The following ZNF804B variants were observed in gnomAD, a reference collection of about 807,000 sequenced individuals.
ZNF804B encodes zinc finger protein 804B.
In ZNF804B, 80 loss-of-function variants were observed where a neutral mutation model predicts 101.4. The observed-to-expected ratio is 0.79, with a 90% confidence interval of 0.66 to 0.95. ZNF804B has a LOEUF of 0.95. Ranked by LOEUF, ZNF804B falls within the 40% of genes least tolerant of loss-of-function variation. The probability of loss-of-function intolerance (pLI) is 0.00; values close to 1 mark genes in which losing one functional copy is unlikely to be tolerated. For synonymous variants in ZNF804B, 622 were observed against 558.8 expected, an observed-to-expected ratio of 1.11 and a Z score of -1.59; for missense variants, 1,673 against 1,561.9, an observed-to-expected ratio of 1.07 and a Z score of -1.20.
intron 1 of ZNF804B, among the ~76,000 whole-genome samples, chr7:89,098,526 C>T (rs1790003033): frequency 6.6e-6 from 1 of 152,094 alleles, no homozygotes; most frequent in African/African-American, 2.4e-5. Flanking sequence ...CCCACTTCAG[C>T]CTCCCAAAGT....
intron 1 of ZNF804B, among the ~76,000 whole-genome samples, chr7:89,184,009 C>A (rs777416016): frequency 6.6e-6 from 1 of 152,100 alleles, no homozygotes; most frequent in Non-Finnish European, 1.5e-5. Context: ...AGCTTCTTGG[C>A]TCTCTAACAT....
At chr7:89,073,518 G>T (rs1162370347) in intron 1 of ZNF804B, among the ~76,000 whole-genome samples, 1 of 151,954 alleles carries the variant, frequency 6.6e-6, no homozygotes, top group African/African-American at 2.4e-5. Flanking sequence ...TATTTTGCTA[G>T]ATTTCCTGTA....
At chr7:89,167,110 A>G (rs1231192031) in intron 1 of ZNF804B, among the ~76,000 whole-genome samples, 1 of 151,778 alleles carries the variant, frequency 6.6e-6, no homozygotes, top group Non-Finnish European at 1.5e-5. Flanking sequence ...TTCTTAGACT[A>G]TGTGGTTTGT....
chr7:88,904,849 C>T (rs901895115), intron 1 of ZNF804B, among the ~76,000 whole-genome samples: 10 of 151,968 alleles, frequency 6.6e-5, no homozygotes, highest in East Asian at 1.9e-4. Context: ...GAGTCTTTTG[C>T]GAGTTTTTAG....
intron 1 of ZNF804B, among the ~76,000 whole-genome samples, chr7:88,779,754 C>G (rs1274683058): frequency 6.6e-6 from 1 of 152,166 alleles, no homozygotes; most frequent in Admixed American, 6.5e-5. Context: ...CTATTATTCC[C>G]TCTCTGTGCC....
chr7:89,221,176 A>G (rs76471000), intron 2 of ZNF804B, among the ~76,000 whole-genome samples: 1,789 of 152,038 alleles, frequency 0.012, 30 homozygotes, highest in African/African-American at 0.04. Flanking sequence ...ATCAATGATC[A>G]TTTGCTCAAA....
At chr7:88,896,825 A>G (rs1295899244) in intron 1 of ZNF804B, among the ~76,000 whole-genome samples, 1 of 152,236 alleles carries the variant, frequency 6.6e-6, no homozygotes, top group Non-Finnish European at 1.5e-5. Flanking sequence ...GTTGTCTTTC[A>G]GAAGTGAGAA....
chr7:88,924,304 T>TTTGCAA (rs1251406202), intron 1 of ZNF804B, among the ~76,000 whole-genome samples: 1 of 151,884 alleles, frequency 6.6e-6, no homozygotes, highest in Non-Finnish European at 1.5e-5. Context: ...ATTATTTATA[T>TTTGCAA]TTGCAATTCT....
intron 2 of ZNF804B, among the ~76,000 whole-genome samples, chr7:89,285,924 C>A (rs1458638309): frequency 1.4e-5 from 2 of 144,830 alleles, no homozygotes; most frequent in Non-Finnish European, 2.9e-5. Flanking sequence ...TCTTCTTCTT[C>A]CTTCTCCTCA....
chr7:89,225,505 C>T (rs1789076003), intron 2 of ZNF804B, among the ~76,000 whole-genome samples: 1 of 152,054 alleles, frequency 6.6e-6, no homozygotes, highest in Non-Finnish European at 1.5e-5. Flanking sequence ...CAATTTCTGG[C>T]ACATAGTAAC....
chr7:89,006,316 A>G (rs1333865600), intron 1 of ZNF804B, among the ~76,000 whole-genome samples: 1 of 152,142 alleles, frequency 6.6e-6, no homozygotes, highest in African/African-American at 2.4e-5. Flanking sequence ...TTTGGAAGGT[A>G]ATAACAATAT....
rs527600472 is a variant in ZNF804B at position 88,859,341 on chromosome 7, T to TA, written c.108+99257_108+99258insA. On this transcript the variant is annotated intron_variant, in intron 1 of 3. Coordinates refer to ENST00000333190, the MANE Select transcript of ZNF804B (RefSeq NM_181646.5). The stretch of plus-strand genomic sequence containing the variant: ...GCAGAAAAATTGGATTAGGCCATTT[T>TA]TTCATCTGTTTTACAAAAACTGATA... 1.3e-4 allele frequency among the ~76,000 whole-genome samples: 20 copies of TA among 152,254 alleles called. No homozygotes were observed. The East Asian group carries it at 3.7e-3, about 28-fold the overall frequency.
intron 1 of ZNF804B, among the ~76,000 whole-genome samples, chr7:89,143,998 A>G (rs993599191): frequency 2.0e-5 from 3 of 151,964 alleles, no homozygotes; most frequent in African/African-American, 7.2e-5. Context: ...ATCTTATTAC[A>G]CCCGTCTCCT....
intron 1 of ZNF804B, among the ~76,000 whole-genome samples, chr7:88,879,583 A>C (rs1233994830): frequency 6.6e-6 from 1 of 152,204 alleles, no homozygotes; most frequent in African/African-American, 2.4e-5. Context: ...CAGTGTACAC[A>C]CAGGAATTGA....
chr7:89,074,485 C>G (rs1789587455), intron 1 of ZNF804B, among the ~76,000 whole-genome samples: 1 of 152,158 alleles, frequency 6.6e-6, no homozygotes, highest in Non-Finnish European at 1.5e-5. Context: ...TGCACAAGCT[C>G]TCTCTTTGCC....
intron 1 of ZNF804B, among the ~76,000 whole-genome samples, chr7:89,157,506 G>T (rs900826232): frequency 4.0e-5 from 6 of 151,830 alleles, no homozygotes; most frequent in Non-Finnish European, 5.9e-5. Context: ...AAAGTCTTTT[G>T]ATGAACATAT....
chr7:88,910,994 G>A (rs1032378545), intron 1 of ZNF804B, among the ~76,000 whole-genome samples: 1 of 152,018 alleles, frequency 6.6e-6, no homozygotes, highest in Non-Finnish European at 1.5e-5. Context: ...ACTGGCATTT[G>A]TATTAGGAAA....
intron 1 of ZNF804B, among the ~76,000 whole-genome samples, chr7:89,214,168 G>C (rs573995423): frequency 7.9e-5 from 12 of 152,188 alleles, no homozygotes; most frequent in Non-Finnish European, 1.8e-4. Context: ...ATTACCGAAT[G>C]TTTTAAAAAT....
chr7:89,212,284 C>T (rs906109463), intron 1 of ZNF804B, among the ~76,000 whole-genome samples: 2 of 142,724 alleles, frequency 1.4e-5, no homozygotes, highest in African/African-American at 5.4e-5. Flanking sequence ...CACACACACA[C>T]ACACAAACAG....
Sources: gnomAD v4.1 joint callset for allele counts (sites outside exome capture counted in the v4.1 genomes callset) on GRCh38, gnomAD v4.1.1 for gene constraint, MANE v1.5 for transcripts, NCBI Gene and HGNC (gene_info 2026-07-23, HGNC 2026-07-21) for gene names.